Variants in DTNB observed in about 807,000 individuals in gnomAD.
The protein encoded by DTNB is dystrobrevin beta.
Under a neutral mutation model 90.7 loss-of-function variants are expected in DTNB, and 63 were observed. The observed-to-expected ratio is 0.69, with a 90% CI of 0.57 to 0.86. The LOEUF (loss-of-function observed/expected upper bound fraction) is 0.86, where lower values mean the gene tolerates loss of function less well. Ranked by LOEUF, DTNB falls within the 40% of genes least tolerant of loss-of-function variation. The probability of loss-of-function intolerance (pLI) is 0.00; values close to 1 mark genes in which losing one functional copy is unlikely to be tolerated. For synonymous variants in DTNB, 277 were observed against 286.7 expected, an observed-to-expected ratio of 0.97 and a Z score of 0.34; for missense variants, 744 against 807.1, an observed-to-expected ratio of 0.92 and a Z score of 0.95.
At chr2:25,414,621 A>G (rs1203019559) in intron 16 of DTNB, among the ~76,000 whole-genome samples, 1 of 152,162 alleles carries the variant, frequency 6.6e-6, no homozygotes. Flanking sequence ...GAGTGCCTTG[A>G]GCAAAATCAC....
At chr2:25,567,274 A>G (rs1286232705) in intron 8 of DTNB, among the ~76,000 whole-genome samples, 3 of 152,212 alleles carry the variant, frequency 2.0e-5, no homozygotes, top group Non-Finnish European at 4.4e-5. Flanking sequence ...TCCCATGAAT[A>G]CATATTATCT....
chr2:25,499,358 T>C (rs899062920), intron 9 of DTNB, among the ~76,000 whole-genome samples: 5 of 152,160 alleles, frequency 3.3e-5, no homozygotes, highest in Admixed American at 6.5e-5. Context: ...AGCTAACTGG[T>C]CTGTGAAATG....
chr2:25,615,547 C>T (rs1358694509), intron 4 of DTNB, among the ~76,000 whole-genome samples: 1 of 152,168 alleles, frequency 6.6e-6, no homozygotes, highest in Admixed American at 6.5e-5. Flanking sequence ...GTGTAAAGAA[C>T]TGCGGTCAAA....
At chr2:25,584,568 T>G (rs1367449236) in intron 6 of DTNB, among the ~76,000 whole-genome samples, 2 of 152,128 alleles carry the variant, frequency 1.3e-5, no homozygotes, top group East Asian at 3.8e-4. Context: ...TTTACTTTTT[T>G]TTTTTTGAGA....
intron 9 of DTNB, among the ~76,000 whole-genome samples, chr2:25,506,637 A>C (rs898885662): frequency 6.6e-6 from 1 of 152,218 alleles, no homozygotes; most frequent in South Asian, 2.1e-4. Context: ...TGACTTGATC[A>C]CCGCACATTC....
Position 25,634,871 on chromosome 2 carries a change from A to G in DTNB, c.148+4143T>C, listed in dbSNP as rs199922406. On this transcript the variant is annotated intron_variant, in intron 3 of 20. Transcript: ENST00000406818. ...TGCTTGAAGGCAGCATGCTCGTTAAAAGTCATCACCACTCCCTAATCTCAA... is the reference window on the plus strand; with the variant it reads ...TGCTTGAAGGCAGCATGCTCGTTAAGAGTCATCACCACTCCCTAATCTCAA... Among the ~76,000 whole-genome samples, 646 of 93,078 alleles carry G rather than the reference A, an allele frequency of 6.9e-3. 53 individuals carry two copies. The highest frequency in any genetic ancestry group is 0.018 in the African/African-American group (557 of 31,206). 61.1% of individuals were successfully genotyped at this position (93,078 alleles called of 152,430 possible). A position where few individuals can be genotyped will look rare whatever the true frequency, so the allele number is the denominator to read the frequency against.
At chr2:25,419,121 G>A (rs2048667833) in intron 16 of DTNB, 1 of 220,010 alleles carries the variant, frequency 4.5e-6, no homozygotes, top group African/African-American at 2.3e-5. Context: ...AGCAAAAGAA[G>A]TCCTCATTTT....
At chr2:25,431,360 T>C (rs1490901244) in intron 14 of DTNB, among the ~76,000 whole-genome samples, 1 of 152,178 alleles carries the variant, frequency 6.6e-6, no homozygotes. Flanking sequence ...TCTGTATTCA[T>C]GTTGAATCCA....
At chr2:25,477,231 T>A (rs2063909607) in intron 10 of DTNB, among the ~76,000 whole-genome samples, 1 of 152,218 alleles carries the variant, frequency 6.6e-6, no homozygotes, top group African/African-American at 2.4e-5. Flanking sequence ...TAAGCAAAAC[T>A]TTTATATGTA....
chr2:25,419,200 C>G, intron 16 of DTNB: 1 of 471,554 alleles, frequency 2.1e-6, no homozygotes, highest in East Asian at 3.6e-5. Context: ...ATTAAAATCA[C>G]TCCAGACACA....
chr2:25,611,338 T>A (rs1020318835), intron 4 of DTNB, among the ~76,000 whole-genome samples: 1 of 152,142 alleles, frequency 6.6e-6, no homozygotes, highest in African/African-American at 2.4e-5. Flanking sequence ...TTATTGATAT[T>A]CCTTACTAAA....
At chr2:25,422,795 G>A (rs1278484423) in intron 15 of DTNB, among the ~76,000 whole-genome samples, 1 of 152,146 alleles carries the variant, frequency 6.6e-6, no homozygotes, top group Non-Finnish European at 1.5e-5. Context: ...GATTAAATAG[G>A]AAGTTTTTTT....
chr2:25,396,425 C>A (rs2042364263), intron 16 of DTNB, among the ~76,000 whole-genome samples: 1 of 151,862 alleles, frequency 6.6e-6, no homozygotes. Flanking sequence ...GCAGGAGAAT[C>A]CCTTGAACCC....
At chr2:25,469,639 C>T (rs2062420176) in intron 10 of DTNB, among the ~76,000 whole-genome samples, 1 of 152,018 alleles carries the variant, frequency 6.6e-6, no homozygotes, top group Non-Finnish European at 1.5e-5. Context: ...TACAGATGGG[C>T]TTTCATCATG....
intron 8 of DTNB, among the ~76,000 whole-genome samples, chr2:25,544,920 T>G (rs1401874850): frequency 6.6e-6 from 1 of 152,248 alleles, no homozygotes. Context: ...GTTTTGTTGG[T>G]GACAAACTCC....
chr2:25,586,759 T>C (rs1388896877), intron 6 of DTNB, among the ~76,000 whole-genome samples: 1 of 152,052 alleles, frequency 6.6e-6, no homozygotes, highest in Admixed American at 6.6e-5. Flanking sequence ...TCTGAAGCCT[T>C]TTTTGGAGGA....
chr2:25,583,947 T>C (rs185655667), intron 6 of DTNB, among the ~76,000 whole-genome samples: 159 of 152,264 alleles, frequency 1.0e-3, no homozygotes, highest in African/African-American at 3.6e-3. Context: ...ATATATGACG[T>C]TTTCCAAAAA....
intron 1 of DTNB, among the ~76,000 whole-genome samples, chr2:25,668,158 G>A (rs2149063521): frequency 6.6e-6 from 1 of 152,238 alleles, no homozygotes; most frequent in East Asian, 1.9e-4. Context: ...AGAATGGTGT[G>A]AATCCGGGAG....
At chr2:25,583,290 T>C (rs1013328790) in intron 6 of DTNB, among the ~76,000 whole-genome samples, 3 of 147,534 alleles carry the variant, frequency 2.0e-5, no homozygotes, top group Non-Finnish European at 3.0e-5. Flanking sequence ...TACACACACA[T>C]ACACATGTAT....
Sources: gnomAD v4.1 joint callset for allele counts (sites outside exome capture counted in the v4.1 genomes callset) on GRCh38, gnomAD v4.1.1 for gene constraint, MANE v1.5 for transcripts, NCBI Gene and HGNC (gene_info 2026-07-23, HGNC 2026-07-21) for gene names.